SNX16: variants seen among roughly 807,000 people sequenced by gnomAD.
The protein encoded by SNX16 is sorting nexin-16.
A neutral mutation model predicts 36.7 loss-of-function variants in SNX16; 35 were observed. The observed-to-expected ratio is 0.95, with a 90% CI of 0.73 to 1.27. The LOEUF (loss-of-function observed/expected upper bound fraction) is 1.27. SNX16 is among the 50% of genes most tolerant of loss of function. The probability of loss-of-function intolerance (pLI) is 0.00; values close to 1 mark genes in which losing one functional copy is unlikely to be tolerated. For synonymous variants in SNX16, 134 were observed against 132.0 expected (o/e 1.02, Z -0.10); for missense variants, 367 against 393.6 (o/e 0.93, Z 0.57).
chr8:81,831,464 G>A (rs1811263399), intron 2 of SNX16, among the ~76,000 whole-genome samples: 1 of 152,026 alleles, frequency 6.6e-6, no homozygotes, highest in Non-Finnish European at 1.5e-5. Context: ...AGGCTGAGGT[G>A]GGCAGATCAC....
rs751379207 is a variant in SNX16 at position 81,840,006 on chromosome 8, C to T, written c.-20G>A. On this transcript the variant is annotated 5_prime_UTR_variant, in exon 2 of 8. Transcript: ENST00000345957. ...TGCCATCTTCTTTTGGCTTTTCCAACAAGCTTGCACACTGTTGAGTCCACT... is the reference window on the plus strand; with the variant it reads ...TGCCATCTTCTTTTGGCTTTTCCAATAAGCTTGCACACTGTTGAGTCCACT... 6.4e-7 allele frequency: 1 copy of T among 1,569,294 alleles called. No homozygotes were observed. The highest frequency in any genetic ancestry group is 1.4e-5 in the African/African-American group (1 of 73,094).
At chr8:81,824,009 G>T in intron 3 of SNX16, 69 bp from the exon 4 acceptor site, 1 of 1,333,986 alleles carries the variant, frequency 7.5e-7, no homozygotes, top group Non-Finnish European at 1.0e-6. Flanking sequence ...AATCTATCCT[G>T]TTGACTACAT....
intron 5 of SNX16, chr8:81,807,976 G>A: frequency 2.5e-6 from 2 of 794,886 alleles, no homozygotes; most frequent in Admixed American, 3.4e-5. Flanking sequence ...GGGGGAGGTG[G>A]ATGCAGCCGT....
chr8:81,841,262 AC>A (rs1811753456), intron 1 of SNX16, among the ~76,000 whole-genome samples: 1 of 146,098 alleles, frequency 6.8e-6, no homozygotes, highest in Non-Finnish European at 1.5e-5. Flanking sequence ...AATCGCTTGA[AC>A]CCGGGAGGCG....
At chr8:81,836,720 TACTA>T (rs1430624997) in intron 2 of SNX16, among the ~76,000 whole-genome samples, 2 of 152,244 alleles carry the variant, frequency 1.3e-5, no homozygotes, top group African/African-American at 2.4e-5. Flanking sequence ...TAAAAGAACC[TACTA>T]ACTGCTTCCT....
chr8:81,840,143 A>G, intron 1 of SNX16, 61 bp from the exon 2 acceptor site: 1 of 800,188 alleles, frequency 1.2e-6, no homozygotes, highest in South Asian at 2.4e-5. Context: ...ATTCAAAAGA[A>G]AAGTATTCTT....
chr8:81,815,401 A>AGAG lies in SNX16; in HGVS notation c.612-8_612-7insCTC. On this transcript the variant is annotated splice_region_variant and splice_polypyrimidine_tract_variant and intron_variant, in intron 4 of 7. Coordinates refer to ENST00000345957, the MANE Select transcript of SNX16 (RefSeq NM_152836.3). ...AAATTCTCTCACTGCAAGGCTTTTC[A>AGAG]AAGGAAAAAAAAAATGATCTGAAGT... 4 of 1,607,664 alleles carry AGAG rather than the reference A, an allele frequency of 2.5e-6. No homozygotes were observed. Among genetic ancestry groups the AGAG allele is most frequent in the Non-Finnish European group, 3.4e-6 (4 of 1,177,338 alleles).
chr8:81,822,998 A>C (rs9692789), intron 4 of SNX16, among the ~76,000 whole-genome samples: 1 of 146,936 alleles, frequency 6.8e-6, no homozygotes. Context: ...GTGTATATCT[A>C]TATATATATA....
intron 2 of SNX16, among the ~76,000 whole-genome samples, chr8:81,837,614 T>TC (rs916815835): frequency 1.3e-5 from 2 of 152,194 alleles, no homozygotes; most frequent in Non-Finnish European, 2.9e-5. Flanking sequence ...CTCTGGGGCC[T>TC]CTTTTTAAGG....
Position 81,824,457 on chromosome 8 carries a change from G to A in SNX16, c.463-517C>T, listed in dbSNP as rs556647396. Among the ~76,000 whole-genome samples the A allele has an allele frequency of 2.6e-5, 4 of 152,030 alleles. No homozygotes were observed. In the South Asian group the frequency reaches 8.3e-4, roughly 32 times the overall value. The stretch of plus-strand genomic sequence containing the variant: ...CCTGACTTTTCAATTTGTCTTAACA[G>A]AGCAGATTTTTTTTAATTTTAATGT... On this transcript the variant is annotated intron_variant, in intron 3 of 7. Transcript: ENST00000345957.
intron 4 of SNX16, among the ~76,000 whole-genome samples, chr8:81,821,036 G>T (rs937803036): frequency 1.3e-5 from 2 of 150,544 alleles, no homozygotes; most frequent in African/African-American, 4.9e-5. Flanking sequence ...GCTTTTAATT[G>T]AATTGAGGTT....
chr8:81,808,337 T>A (rs1810063945), intron 5 of SNX16: 1 of 1,283,090 alleles, frequency 7.8e-7, no homozygotes, highest in African/African-American at 1.5e-5. Flanking sequence ...TGGCTAGTGC[T>A]TCATCCAGGC....
intron 5 of SNX16, among the ~76,000 whole-genome samples, chr8:81,809,804 C>A (rs1810146350): frequency 1.3e-5 from 2 of 152,138 alleles, no homozygotes; most frequent in African/African-American, 4.8e-5. Flanking sequence ...GAATATCTAA[C>A]AATGAAACAA....
intron 5 of SNX16, among the ~76,000 whole-genome samples, chr8:81,811,011 G>T (rs1234782930): frequency 4.6e-5 from 7 of 151,944 alleles, no homozygotes; most frequent in Admixed American, 4.6e-4. Context: ...TTTTGTAAAA[G>T]GGCTAATTTA....
chr8:81,837,318 T>C lies in SNX16; in HGVS notation c.375+2294A>G, dbSNP rs538850052. Among the ~76,000 whole-genome samples, 3 of 152,352 alleles carry C rather than the reference T, an allele frequency of 2.0e-5. No homozygotes were observed. The East Asian group carries it at 5.8e-4, about 29-fold the overall frequency. On this transcript the variant is annotated intron_variant, in intron 2 of 7. Coordinates refer to ENST00000345957, the MANE Select transcript of SNX16 (RefSeq NM_152836.3). ...GACTAATTTCATATCTGTCATTTAC[T>C]TCCTCCTCTCCAGTCTCTTGAAATG...
rs374288130 is a variant in SNX16 at position 81,842,177 on chromosome 8, A to T, written c.-152T>A. 2.7e-5 allele frequency: 4 copies of T among 147,828 alleles called. No individual in the cohort carries two copies. Among genetic ancestry groups the T allele is most frequent in the Admixed American group, 2.7e-4 (4 of 14,894 alleles). The allele number at this position is 147,828 out of a possible 1,614,324, so 9.2% of individuals were successfully genotyped here. ...CGCTTCCCGGTGACGGTTAAACCGGACTCTCCTTAACCGCAGCTTTTCGCC... is the reference window on the plus strand; with the variant it reads ...CGCTTCCCGGTGACGGTTAAACCGGTCTCTCCTTAACCGCAGCTTTTCGCC... On this transcript the variant is annotated 5_prime_UTR_variant, in exon 1 of 8. Coordinates refer to ENST00000345957, the MANE Select transcript of SNX16 (RefSeq NM_152836.3).
At chr8:81,805,447 G>A (rs1405778997) in intron 5 of SNX16, among the ~76,000 whole-genome samples, 2 of 151,976 alleles carry the variant, frequency 1.3e-5, no homozygotes, top group African/African-American at 4.8e-5. Context: ...TATAAGAAAG[G>A]AATTAAGAGA....
chr8:81,809,365 A>C (rs925617147), intron 5 of SNX16, among the ~76,000 whole-genome samples: 29 of 152,336 alleles, frequency 1.9e-4, no homozygotes, highest in African/African-American at 5.0e-4. Flanking sequence ...ATGGTACCAG[A>C]TAAAATTATA....
intron 1 of SNX16, among the ~76,000 whole-genome samples, chr8:81,841,002 G>C (rs1266710925): frequency 6.6e-6 from 1 of 152,188 alleles, no homozygotes; most frequent in East Asian, 1.9e-4. Context: ...TGGTGGGAAA[G>C]GTAAGAAATG....
Sources: gnomAD v4.1 joint callset for allele counts (sites outside exome capture counted in the v4.1 genomes callset) on GRCh38, gnomAD v4.1.1 for gene constraint, MANE v1.5 for transcripts, NCBI Gene and HGNC (gene_info 2026-07-23, HGNC 2026-07-21) for gene names.